Variants in ZBTB2 observed in about 807,000 individuals in gnomAD.
ZBTB2 encodes zinc finger and BTB domain-containing protein 2.
ZBTB2 carries 2 observed loss-of-function variants against 39.5 expected under a neutral mutation model. That is an observed-to-expected ratio of 0.05 (90% confidence interval 0.02 to 0.16). ZBTB2 has a LOEUF of 0.16. Among genes scored for constraint, ZBTB2 ranks in the 10% least tolerant of loss-of-function variants. The probability of loss-of-function intolerance (pLI) is 1.00; values close to 1 mark genes in which losing one functional copy is unlikely to be tolerated. For synonymous variants in ZBTB2, 251 were observed against 256.6 expected, an observed-to-expected ratio of 0.98 and a Z score of 0.21; for missense variants, 391 against 653.0, an observed-to-expected ratio of 0.60 and a Z score of 4.37.
intron 2 of ZBTB2, among the ~76,000 whole-genome samples, chr6:151,367,902 T>A (rs1778684725): frequency 6.6e-6 from 1 of 152,224 alleles, no homozygotes. Flanking sequence ...CCAAGAACTC[T>A]TCCCAGACCA....
chr6:151,365,821 G>A lies in ZBTB2; in HGVS notation c.1245C>T (p.Ile415=). The change falls in exon 3 of 3, where the codon ATC becomes ATT. Residue 415 remains isoleucine, a synonymous_variant. Transcript: ENST00000325144. This position sits in a 1 kb window ranked among gnomAD's most constrained non-coding sequence, Gnocchi z 5.6. ...GTTTGTCCACCATGGTGTAAGTGTC[G>A]ATGCTCTGGTTGAGGCACACGTGGC... ...AARHVCLNQS[I]DTYTMVDKQT... 3.7e-6 allele frequency: 6 copies of A among 1,614,178 alleles called. No homozygotes were observed. Among genetic ancestry groups the A allele is most frequent in the South Asian group, 1.1e-5 (1 of 91,086 alleles).
intron 1 of ZBTB2, among the ~76,000 whole-genome samples, chr6:151,385,965 A>G (rs1779141400): frequency 6.6e-6 from 1 of 152,206 alleles, no homozygotes; most frequent in Non-Finnish European, 1.5e-5. Context: ...ATTAGAAAAG[A>G]GAGAGGCATA....
chr6:151,374,153 C>G (rs182061360), intron 1 of ZBTB2, among the ~76,000 whole-genome samples: 2 of 152,116 alleles, frequency 1.3e-5, no homozygotes, highest in African/African-American at 4.8e-5. Flanking sequence ...GGTGTTGGGG[C>G]GGGGTCCCAG....
At chr6:151,373,712 G>C in intron 1 of ZBTB2, 63 bp from the exon 2 acceptor site, 2 of 1,439,510 alleles carry the variant, frequency 1.4e-6, no homozygotes, top group South Asian at 2.6e-5. Flanking sequence ...GTCCTTTATA[G>C]TCACCAACAG....
chr6:151,373,865 A>AAAAAAAAAC (rs1778841167), intron 1 of ZBTB2, among the ~76,000 whole-genome samples: 3 of 112,226 alleles, frequency 2.7e-5, no homozygotes, highest in African/African-American at 1.3e-4. Flanking sequence ...AAAAAAAAAA[A>AAAAAAAAAC]AAAAAAAAAA....
intron 1 of ZBTB2, among the ~76,000 whole-genome samples, chr6:151,384,739 T>C (rs78276900): frequency 0.023 from 3,492 of 152,286 alleles, 122 homozygotes; most frequent in African/African-American, 0.078. Flanking sequence ...GCAGAGTATA[T>C]GTTGGTTACA....
At chr6:151,369,979 C>T (rs1778750631) in intron 2 of ZBTB2, 1 of 363,602 alleles carries the variant, frequency 2.8e-6, no homozygotes, top group African/African-American at 2.2e-5. Context: ...TTTCAGCCAT[C>T]TCCATCCCTG....
intron 1 of ZBTB2, among the ~76,000 whole-genome samples, chr6:151,390,050 C>A (rs1289673091): frequency 6.6e-6 from 1 of 152,058 alleles, no homozygotes; most frequent in Non-Finnish European, 1.5e-5. Flanking sequence ...GGTCCCACGC[C>A]CCAAGGCTAA....
At chr6:151,373,871 A>C (rs1013655161) in intron 1 of ZBTB2, among the ~76,000 whole-genome samples, 5 of 116,686 alleles carry the variant, frequency 4.3e-5, no homozygotes, top group Middle Eastern at 4.9e-3. Context: ...AAAAAAAAAA[A>C]AAAAAACCAG....
intron 2 of ZBTB2, among the ~76,000 whole-genome samples, chr6:151,372,787 T>C (rs1342100348): frequency 6.6e-6 from 1 of 151,910 alleles, no homozygotes; most frequent in African/African-American, 2.4e-5. Context: ...GAATGAGAGA[T>C]AGGGCTTAGA....
rs1378643021 is a variant in ZBTB2 at position 151,366,799 on chromosome 6, G to A, written c.267C>T (p.Leu89=). The A allele has an allele frequency of 1.9e-6, 3 of 1,614,160 alleles. No homozygotes were observed. The highest frequency in any genetic ancestry group is 1.7e-6 in the Non-Finnish European group (2 of 1,180,036). The change falls in exon 3 of 3, where the codon CTC becomes CTT. Residue 89 remains leucine, a synonymous_variant. Coordinates refer to ENST00000325144, the MANE Select transcript of ZBTB2 (RefSeq NM_020861.3). The surrounding 1 kb of genome is among the most constrained non-coding windows in gnomAD (Gnocchi z 7.1). ...CCTGTTCTAATCGAACCGGGTCGATGAGCTGAGGCGCCATCTTCCCAGTGT... is the reference window on the plus strand; with the variant it reads ...CCTGTTCTAATCGAACCGGGTCGATAAGCTGAGGCGCCATCTTCCCAGTGT... ...LMYTGKMAPQ[L]IDPVRLEQGI...
chr6:151,390,000 TC>T (rs1779247818), intron 1 of ZBTB2, among the ~76,000 whole-genome samples: 1 of 149,860 alleles, frequency 6.7e-6, no homozygotes, highest in Non-Finnish European at 1.5e-5. Flanking sequence ...GGAAGCAGCC[TC>T]CCCGCCTTGG....
intron 1 of ZBTB2, among the ~76,000 whole-genome samples, chr6:151,374,488 T>G (rs993666450): frequency 6.6e-6 from 1 of 152,206 alleles, no homozygotes; most frequent in Non-Finnish European, 1.5e-5. Context: ...AGAGGCTGCC[T>G]GACATTGCCT....
chr6:151,375,122 AAAAAC>A (rs1240181754), intron 1 of ZBTB2, among the ~76,000 whole-genome samples: 2 of 152,096 alleles, frequency 1.3e-5, no homozygotes, highest in South Asian at 2.1e-4. Context: ...TCCATCTCAA[AAAAAC>A]AAAACAAAAC....
At chr6:151,388,617 T>C (rs903993296) in intron 1 of ZBTB2, among the ~76,000 whole-genome samples, 3 of 152,228 alleles carry the variant, frequency 2.0e-5, no homozygotes, top group Non-Finnish European at 2.9e-5. Context: ...TCCTCCAGCC[T>C]TGGCCTCCCA....
At chr6:151,390,230 C>G (rs935937231) in intron 1 of ZBTB2, among the ~76,000 whole-genome samples, 1 of 151,362 alleles carries the variant, frequency 6.6e-6, no homozygotes, top group African/African-American at 2.4e-5. Context: ...CAGAGGCCGA[C>G]GCGTCCCCCG....
Position 151,373,867 on chromosome 6 carries a change from A to C in ZBTB2, c.-12-218T>G, listed in dbSNP as rs903617771. Among the ~76,000 whole-genome samples the C allele has an allele frequency of 7.4e-5, 11 of 149,016 alleles. No individual in the cohort carries two copies. In the East Asian group the frequency reaches 2.1e-3, roughly 29 times the overall value. The stretch of plus-strand genomic sequence containing the variant: ...TTAAAAAAAAAAAAAAAAAAAAAAA[A>C]AAAAAAAAAACCAGATGATGCCATT... On this transcript the variant is annotated intron_variant, in intron 1 of 2. Coordinates refer to ENST00000325144, the MANE Select transcript of ZBTB2 (RefSeq NM_020861.3).
chr6:151,365,376 G>A lies in ZBTB2; in HGVS notation c.*145C>T. 4.5e-6 allele frequency: 4 copies of A among 881,124 alleles called. No individual in the cohort carries two copies. The highest frequency in any genetic ancestry group is 6.9e-6 in the Non-Finnish European group (4 of 580,278). The allele number at this position is 881,124 out of a possible 1,614,324, so 54.6% of individuals were successfully genotyped here. ...AATGCACAAAGCCTTTACAGAGGTG[G>A]GGCTGGGATGTGGAAAAGGGGAAGA... On this transcript the variant is annotated 3_prime_UTR_variant, in exon 3 of 3. Coordinates refer to ENST00000325144, the MANE Select transcript of ZBTB2 (RefSeq NM_020861.3). This position sits in a 1 kb window ranked among gnomAD's most constrained non-coding sequence, Gnocchi z 5.6.
chr6:151,376,619 AC>A (rs1778914817), intron 1 of ZBTB2, among the ~76,000 whole-genome samples: 1 of 152,236 alleles, frequency 6.6e-6, no homozygotes, highest in Non-Finnish European at 1.5e-5. Flanking sequence ...ACCACTAGCC[AC>A]TAGGGAAAAG....
Sources: allele counts gnomAD v4.1 joint callset (sites outside exome capture counted in the v4.1 genomes callset), GRCh38; gene constraint gnomAD v4.1.1; non-coding constraint Gnocchi (gnomAD v3.1); transcripts MANE v1.5; gene names NCBI Gene and HGNC (gene_info 2026-07-23, HGNC 2026-07-21).